The following METTL25 variants were observed in gnomAD, a reference collection of about 807,000 sequenced individuals.
METTL25 encodes the protein methyltransferase like 25, also known as probable methyltransferase-like protein 25.
A neutral mutation model predicts 71.6 loss-of-function variants in METTL25; 64 were observed. That is an observed-to-expected ratio of 0.89 (90% confidence interval 0.73 to 1.10). The LOEUF (loss-of-function observed/expected upper bound fraction) is 1.10. Ranked by LOEUF, METTL25 falls within the 50% of genes least tolerant of loss-of-function variation. The pLI, the probability that METTL25 is intolerant of heterozygous loss-of-function variation, is 0.00. For missense variants in METTL25, 807 were observed against 707.0 expected (o/e 1.14, Z -1.60); for synonymous variants, 287 against 250.3 (o/e 1.15, Z -1.38).
intron 1 of METTL25, among the ~76,000 whole-genome samples, chr12:82,361,889 A>T (rs997631206): frequency 2.6e-5 from 4 of 152,072 alleles, no homozygotes; most frequent in Non-Finnish European, 2.9e-5. Context: ...GGGCTGAAGG[A>T]CTCCTCAAGC....
chr12:82,458,814 G>A (rs962366895), intron 9 of METTL25, among the ~76,000 whole-genome samples: 1 of 151,956 alleles, frequency 6.6e-6, no homozygotes, highest in South Asian at 2.1e-4. Context: ...AAATACCTAG[G>A]TCCAGCCAAA....
intron 5 of METTL25, among the ~76,000 whole-genome samples, chr12:82,419,556 G>A (rs1321574022): frequency 6.6e-6 from 1 of 152,024 alleles, no homozygotes; most frequent in East Asian, 1.9e-4. Context: ...AACCCCGTAA[G>A]TTCAACACTG....
intron 3 of METTL25, among the ~76,000 whole-genome samples, 193 bp from the exon 4 acceptor site, chr12:82,398,602 C>T (rs1592650321): frequency 6.6e-6 from 1 of 151,672 alleles, no homozygotes; most frequent in Admixed American, 6.6e-5. Context: ...TTTTCATTGA[C>T]TTATTAAACT....
intron 1 of METTL25, among the ~76,000 whole-genome samples, chr12:82,378,080 T>G (rs1884060657): frequency 6.6e-6 from 1 of 152,196 alleles, no homozygotes; most frequent in Admixed American, 6.5e-5. Context: ...ATTTAACTAA[T>G]TTTTATCAAG....
chr12:82,439,956 C>T (rs1012436105), intron 8 of METTL25: 3 of 313,976 alleles, frequency 9.6e-6, no homozygotes, highest in Non-Finnish European at 1.4e-5. Context: ...CAACGCTCCA[C>T]ATGCCTGTGT....
intron 8 of METTL25, among the ~76,000 whole-genome samples, chr12:82,450,180 G>T (rs1891040549): frequency 6.6e-6 from 1 of 151,872 alleles, no homozygotes; most frequent in Non-Finnish European, 1.5e-5. Context: ...TGTTGAGGTG[G>T]CTTTTTTTTT....
At chr12:82,414,692 T>A (rs11837921) in intron 5 of METTL25, among the ~76,000 whole-genome samples, 3 of 152,148 alleles carry the variant, frequency 2.0e-5, no homozygotes, top group African/African-American at 7.2e-5. Flanking sequence ...GACAAATTCT[T>A]GTCAGAGAGT....
At chr12:82,433,971 T>C (rs941768997) in intron 6 of METTL25, among the ~76,000 whole-genome samples, 4 of 151,298 alleles carry the variant, frequency 2.6e-5, no homozygotes, top group African/African-American at 9.7e-5. Context: ...AATACTCTAT[T>C]CCATATTTAA....
rs1237055920 is a variant in METTL25 at position 82,358,628 on chromosome 12, G to C, written c.63G>C (p.Gln21His). ...PDLPTLRAKL[Q>H]GLLQFLRDAL... ...TGCCCACGCTGCGTGCCAAGTTGCA[G>C]GGACTGCTGCAGTTCCTGAGGGATG... The change falls in exon 1 of 12, where the codon CAG (glutamine) becomes CAC (histidine). Residue 21 changes from glutamine to histidine, a missense_variant. Transcript: ENST00000248306. 6.2e-7 allele frequency: 1 copy of C among 1,613,940 alleles called. No individual in the cohort carries two copies. Among genetic ancestry groups the C allele is most frequent in the Non-Finnish European group, 8.5e-7 (1 of 1,180,062 alleles).
intron 5 of METTL25, among the ~76,000 whole-genome samples, chr12:82,421,752 G>C (rs1888524288): frequency 6.6e-6 from 1 of 152,134 alleles, no homozygotes; most frequent in Non-Finnish European, 1.5e-5. Context: ...ACTACCATCG[G>C]AGAATACTAT....
chr12:82,378,263 G>A (rs539316690), intron 1 of METTL25, among the ~76,000 whole-genome samples: 5 of 152,194 alleles, frequency 3.3e-5, no homozygotes, highest in East Asian at 1.9e-4. Flanking sequence ...TTTAGGTTGG[G>A]TATTTTACTT....
intron 5 of METTL25, among the ~76,000 whole-genome samples, chr12:82,428,213 C>T (rs368689712): frequency 7.9e-5 from 12 of 151,842 alleles, no homozygotes; most frequent in African/African-American, 2.4e-4. Context: ...TGGCCACAAC[C>T]TACTCATGTA....
chr12:82,442,571 A>G (rs1890430928), intron 8 of METTL25, among the ~76,000 whole-genome samples: 1 of 152,154 alleles, frequency 6.6e-6, no homozygotes, highest in Non-Finnish European at 1.5e-5. Context: ...GAAGTAGGAA[A>G]AGAGGGTGGA....
intron 5 of METTL25, among the ~76,000 whole-genome samples, chr12:82,417,040 T>G (rs1888046195): frequency 1.3e-5 from 2 of 152,278 alleles, no homozygotes; most frequent in Middle Eastern, 3.4e-3. Context: ...AGGTCATCTT[T>G]ACTTGAGAGT....
chr12:82,451,581 A>G (rs935621950), intron 8 of METTL25, among the ~76,000 whole-genome samples: 2 of 152,162 alleles, frequency 1.3e-5, no homozygotes, highest in African/African-American at 2.4e-5. Context: ...TGTTGAAACC[A>G]TGCTTACTTG....
chr12:82,386,397 A>C (rs1019329514), intron 1 of METTL25, among the ~76,000 whole-genome samples: 2 of 151,756 alleles, frequency 1.3e-5, no homozygotes, highest in African/African-American at 4.8e-5. Flanking sequence ...ATACATCACT[A>C]TTCAGATTTT....
Position 82,479,062 on chromosome 12 carries a change from G to A in METTL25, c.*38G>A, listed in dbSNP as rs1893050128. Reference sequence around the variant, plus strand: ...CAAATTATTAGATGTATTTCTCTATGAGACCTGTTGCTGAGATTGCTTTTC... The same window carrying A: ...CAAATTATTAGATGTATTTCTCTATAAGACCTGTTGCTGAGATTGCTTTTC... On this transcript the variant is annotated 3_prime_UTR_variant, in exon 12 of 12. Transcript: ENST00000248306. 1 of 1,553,766 alleles carries A rather than the reference G, an allele frequency of 6.4e-7. No homozygotes were observed. Among genetic ancestry groups the A allele is most frequent in the Non-Finnish European group, 8.9e-7 (1 of 1,126,818 alleles).
chr12:82,422,209 G>T (rs1592696876), intron 5 of METTL25, among the ~76,000 whole-genome samples: 2 of 152,128 alleles, frequency 1.3e-5, no homozygotes, highest in East Asian at 3.9e-4. Context: ...ATGATCAAGT[G>T]GGCTTCATCC....
chr12:82,459,327 CA>C (rs1432220492), intron 9 of METTL25, among the ~76,000 whole-genome samples: 12 of 152,066 alleles, frequency 7.9e-5, no homozygotes, highest in African/African-American at 2.9e-4. Flanking sequence ...TGCTAAAGAT[CA>C]AAAAATACTG....
Sources: allele counts gnomAD v4.1 joint callset (sites outside exome capture counted in the v4.1 genomes callset), GRCh38; gene constraint gnomAD v4.1.1; transcripts MANE v1.5; gene names NCBI Gene and HGNC (gene_info 2026-07-23, HGNC 2026-07-21).